The following SHC3 variants were observed in gnomAD, a reference collection of about 807,000 sequenced individuals.
SHC3 encodes SHC adaptor protein 3.
A neutral mutation model predicts 60.4 loss-of-function variants in SHC3; 15 were observed. The ratio of observed to expected loss-of-function variants is 0.25; its 90% CI spans 0.17 to 0.38. The LOEUF (loss-of-function observed/expected upper bound fraction) is 0.38, where lower values mean the gene tolerates loss of function less well. Among genes scored for constraint, SHC3 ranks in the 10% least tolerant of loss-of-function variants. The pLI, the probability that SHC3 is intolerant of heterozygous loss-of-function variation, is 1.00. For missense variants in SHC3, 677 were observed against 786.1 expected, an observed-to-expected ratio of 0.86 and a Z score of 1.66; for synonymous variants, 294 against 325.9, an observed-to-expected ratio of 0.90 and a Z score of 1.05.
chr9:89,075,257 T>G (rs201364499), intron 3 of SHC3, 29 bp from the exon 4 acceptor site: 2 of 1,610,810 alleles, frequency 1.2e-6, no homozygotes, highest in East Asian at 2.2e-5. Flanking sequence ...TTATTTTAGC[T>G]GTTTCATTTC....
intron 1 of SHC3, among the ~76,000 whole-genome samples, chr9:89,134,285 A>G (rs559848182): frequency 9.9e-4 from 151 of 152,264 alleles, no homozygotes; most frequent in Non-Finnish European, 2.0e-3. Context: ...AGATAGAAAA[A>G]TATTAAAGGT....
At chr9:89,111,006 C>T (rs1245500169) in intron 2 of SHC3, among the ~76,000 whole-genome samples, 3 of 152,174 alleles carry the variant, frequency 2.0e-5, no homozygotes, top group Non-Finnish European at 2.9e-5. Flanking sequence ...CACCACTACC[C>T]CAAGGAGCAG....
intron 1 of SHC3, among the ~76,000 whole-genome samples, chr9:89,172,417 T>G (rs1204228426): frequency 1.3e-5 from 2 of 152,142 alleles, no homozygotes; most frequent in Non-Finnish European, 2.9e-5. Context: ...TTGTTTTGTT[T>G]TTTAACTCAA....
rs1458093676 is a variant in SHC3, at chr9:89,034,834, A to G, written c.1656+3159T>C. On this transcript the variant is annotated intron_variant, in intron 11 of 11. Coordinates refer to ENST00000375835, the MANE Select transcript of SHC3 (RefSeq NM_016848.6). Reference sequence around the variant, plus strand: ...TCATGGTTGTGCTGATCTAATACAGAAAAATTGTTGGGAAAAAGCTGAATG... The same window carrying G: ...TCATGGTTGTGCTGATCTAATACAGGAAAATTGTTGGGAAAAAGCTGAATG... Among the ~76,000 whole-genome samples the G allele has an allele frequency of 2.0e-5, 3 of 152,194 alleles. No homozygotes were observed. In the East Asian group the frequency reaches 5.8e-4, roughly 29 times the overall value.
rs191166048 is a variant in SHC3 at position 89,122,636 on chromosome 9, C to T, written c.475-10010G>A. Among the ~76,000 whole-genome samples, 4 of 152,334 alleles carry T rather than the reference C, an allele frequency of 2.6e-5. No homozygotes were observed. In the East Asian group the frequency reaches 7.7e-4, roughly 29 times the overall value. ...CCAAAAGACACCAGCACTCCCTCCA[C>T]ATTCTATTAGTTAAAGCAAGTCACG... On this transcript the variant is annotated intron_variant, in intron 1 of 11. Transcript: ENST00000375835.
chr9:89,106,072 G>A (rs765571794), intron 2 of SHC3, among the ~76,000 whole-genome samples: 5 of 152,102 alleles, frequency 3.3e-5, no homozygotes, highest in Non-Finnish European at 5.9e-5. Flanking sequence ...AACAAGCCTC[G>A]AAGCAGGGGT....
chr9:89,108,019 A>G (rs962925995), intron 2 of SHC3, among the ~76,000 whole-genome samples: 4 of 152,224 alleles, frequency 2.6e-5, no homozygotes, highest in African/African-American at 9.7e-5. Flanking sequence ...CTATGCTCGC[A>G]TATGACAGAT....
chr9:89,156,829 C>T (rs952167432), intron 1 of SHC3, among the ~76,000 whole-genome samples: 10 of 152,212 alleles, frequency 6.6e-5, no homozygotes, highest in Middle Eastern at 6.8e-3. Flanking sequence ...TCTTTTCTGC[C>T]GATCACACAT....
chr9:89,143,121 G>A (rs1202727993), intron 1 of SHC3, among the ~76,000 whole-genome samples: 1 of 152,190 alleles, frequency 6.6e-6, no homozygotes, highest in Non-Finnish European at 1.5e-5. Context: ...TGGCTACTCC[G>A]TAGACAGAGC....
chr9:89,039,697 C>T (rs1016667251), intron 10 of SHC3, among the ~76,000 whole-genome samples: 2 of 152,070 alleles, frequency 1.3e-5, no homozygotes, highest in African/African-American at 4.8e-5. Flanking sequence ...TCATCACCAT[C>T]ATTGTCACCA....
chr9:89,126,392 A>G (rs1336021862), intron 1 of SHC3, among the ~76,000 whole-genome samples: 1 of 152,190 alleles, frequency 6.6e-6, no homozygotes, highest in African/African-American at 2.4e-5. Flanking sequence ...TGGGTTTGGT[A>G]CCATGGGATA....
At chr9:89,098,312 T>C (rs1230162377) in intron 2 of SHC3, among the ~76,000 whole-genome samples, 1 of 152,160 alleles carries the variant, frequency 6.6e-6, no homozygotes, top group Non-Finnish European at 1.5e-5. Context: ...AAAAAAACCA[T>C]CAATGAAGGA....
chr9:89,148,650 A>G (rs1228576347), intron 1 of SHC3, among the ~76,000 whole-genome samples: 1 of 152,242 alleles, frequency 6.6e-6, no homozygotes, highest in Non-Finnish European at 1.5e-5. Flanking sequence ...TGGATATTCT[A>G]TAAGTTAATG....
chr9:89,049,657 CG>C (rs1458090453), intron 7 of SHC3, among the ~76,000 whole-genome samples: 2 of 152,200 alleles, frequency 1.3e-5, no homozygotes, highest in Admixed American at 6.5e-5. Context: ...TACCTCCTTA[CG>C]TATTTAAATT....
intron 1 of SHC3, among the ~76,000 whole-genome samples, chr9:89,152,808 C>T (rs1826562838): frequency 6.6e-6 from 1 of 152,186 alleles, no homozygotes; most frequent in Non-Finnish European, 1.5e-5. Context: ...TATGAACTCT[C>T]TTCTAAATAA....
At chr9:89,167,795 A>G (rs1348900838) in intron 1 of SHC3, among the ~76,000 whole-genome samples, 2 of 152,178 alleles carry the variant, frequency 1.3e-5, no homozygotes, top group Non-Finnish European at 2.9e-5. Context: ...AATTAGGGGG[A>G]AAAACCCCAT....
chr9:89,047,197 C>T (rs912924616), intron 7 of SHC3, among the ~76,000 whole-genome samples: 1 of 152,224 alleles, frequency 6.6e-6, no homozygotes, highest in Non-Finnish European at 1.5e-5. Flanking sequence ...CTCATTGGAA[C>T]ATTTCAATCA....
chr9:89,123,694 C>T (rs1210935004), intron 1 of SHC3, among the ~76,000 whole-genome samples: 1 of 152,158 alleles, frequency 6.6e-6, no homozygotes, highest in African/African-American at 2.4e-5. Context: ...TTCCGTCCTC[C>T]TGTTTCTCAG....
rs1369526899 is a variant in SHC3 at position 89,007,842 on chromosome 9, G to C, written c.*5605C>G. ...CCTGTGGTCCTCATGTCCTGTTCTT[G>C]TTCTCTTTGTGCTGGATCTCACATC... On this transcript the variant is annotated 3_prime_UTR_variant, in exon 12 of 12. Coordinates refer to ENST00000375835, the MANE Select transcript of SHC3 (RefSeq NM_016848.6). 6.6e-6 allele frequency: 1 copy of C among 152,132 alleles called. No individual in the cohort carries two copies. Among genetic ancestry groups the C allele is most frequent in the Non-Finnish European group, 1.5e-5 (1 of 68,082 alleles). The allele number at this position is 152,132 out of a possible 1,614,324, so 9.4% of individuals were successfully genotyped here.
Sources: gnomAD v4.1 joint callset for allele counts (sites outside exome capture counted in the v4.1 genomes callset) on GRCh38, gnomAD v4.1.1 for gene constraint, MANE v1.5 for transcripts, NCBI Gene and HGNC (gene_info 2026-07-23, HGNC 2026-07-21) for gene names.